Variants in ELMO3 observed in about 807,000 individuals in gnomAD.
ELMO3 encodes engulfment and cell motility protein 3.
Under a neutral mutation model 89.0 loss-of-function variants are expected in ELMO3, and 81 were observed. The observed-to-expected ratio is 0.91, with a 90% CI of 0.76 to 1.09. The LOEUF (loss-of-function observed/expected upper bound fraction) is 1.09, where lower values mean the gene tolerates loss of function less well. Ranked by LOEUF, ELMO3 falls within the 50% of genes least tolerant of loss-of-function variation. The probability of loss-of-function intolerance (pLI) is 0.00; values close to 1 mark genes in which losing one functional copy is unlikely to be tolerated. For synonymous variants in ELMO3, 406 were observed against 400.6 expected (o/e 1.01, Z -0.16); for missense variants, 959 against 972.8 (o/e 0.99, Z 0.19).
At position 67,199,672 on chromosome 16, in the gene ELMO3, C is replaced by A; in HGVS notation, c.120-12C>A. On this transcript the variant is annotated splice_polypyrimidine_tract_variant and intron_variant, in intron 2 of 19. Transcript: ENST00000393997. ...GCCCCCTGCCGGCCTCGCTGAGCCT[C>A]GTGCCCCTCAGGTGGAGCCTGACGC... 6.2e-7 allele frequency: 1 copy of A among 1,609,732 alleles called. No homozygotes were observed. Among genetic ancestry groups the A allele is most frequent in the Non-Finnish European group, 8.5e-7 (1 of 1,179,484 alleles).
chr16:67,201,722 C>T lies in ELMO3; in HGVS notation c.919-20C>T. ...TCTATAATCTTGATCCCCTCCCCCG[C>T]CACCCAACACTGACCCCAGGAGCAG... On this transcript the variant is annotated intron_variant, in intron 10 of 19. Coordinates refer to ENST00000393997, the MANE Select transcript of ELMO3 (RefSeq NM_024712.5). 6.2e-7 allele frequency: 1 copy of T among 1,608,312 alleles called. No individual in the cohort carries two copies. Among genetic ancestry groups the T allele is most frequent in the Non-Finnish European group, 8.5e-7 (1 of 1,179,972 alleles).
chr16:67,201,521 ACAT>A lies in ELMO3; in HGVS notation c.802_804del (p.Ile268del). ...CACCAGGGACTGGCTGTCCTGCAGA[ACAT>A]CATCCACAGTGCAGCACCAATGGGC... On this transcript the variant is annotated inframe_deletion and splice_region_variant, in exon 10 of 20. Transcript: ENST00000393997. 1 of 1,614,032 alleles carries A rather than the reference ACAT, an allele frequency of 6.2e-7. No individual in the cohort carries two copies. Among genetic ancestry groups the A allele is most frequent in the African/African-American group, 1.3e-5 (1 of 75,042 alleles).
At position 67,200,714 on chromosome 16, in the gene ELMO3, G is replaced by C. The variant is rs1225900603; in HGVS notation, c.571G>C (p.Gly191Arg). Residue 191 changes from glycine (G) to arginine (R), a missense_variant, in exon 7 of 20, where the codon GGG becomes CGG. Gly to Arg is a moderately radical substitution (Grantham distance 125). Coordinates refer to ENST00000393997, the MANE Select transcript of ELMO3 (RefSeq NM_024712.5). ...TGCCTCCGTGCCTCCCCTGGCCCTT[G>C]GGCTGCTGGAGAGTGTGACCTTGAG... ...MDASVPPLAL[G>R]LLESVTLSSP... is the part of the protein sequence containing the mutation. The C allele has an allele frequency of 6.2e-7, 1 of 1,613,604 alleles. No individual in the cohort carries two copies.
chr16:67,200,265 G>T lies in ELMO3; in HGVS notation c.317G>T (p.Arg106Leu), dbSNP rs1223225174. 3 of 1,613,788 alleles carry T rather than the reference G, an allele frequency of 1.9e-6. No homozygotes were observed. The highest frequency in any genetic ancestry group is 1.7e-5 in the Admixed American group (1 of 60,030). ...GAAGGGCGCCGGGAAGCCCTGAGGC[G>T]CCTTGTTCCGCTGGCCTCGGACATG... is the stretch of plus-strand genomic sequence containing the variant. ...SPEGRREALR[R>L]LVPLASDMIF... Residue 106 changes from arginine to leucine, a missense_variant, in exon 5 of 20, where the codon CGC (arginine) becomes CTC (leucine). Transcript: ENST00000393997.
In ELMO3 at chr16:67,203,353, C is replaced by G. The variant is rs201945329; in HGVS notation, c.1807C>G (p.Leu603Val). The change falls in exon 18 of 20, where the codon CTG becomes GTG. Residue 603 changes from leucine to valine, a missense_variant. Leu to Val is a conservative substitution (Grantham distance 32). Transcript: ENST00000393997. This position sits in a 1 kb window ranked among gnomAD's most constrained non-coding sequence, Gnocchi z 4.6. ...CCCTGTGGCCGACATGAGGGCACTC[C>G]TGACAGGCAAGGACTGCCCCCATGT... ...QLPVADMRAL[L>V]TGKDCPHVRE... 261 of 1,605,918 alleles carry G rather than the reference C, an allele frequency of 1.6e-4. 1 individual carries two copies. In the African/African-American group the frequency reaches 3.1e-3, roughly 19 times the overall value.
At position 67,201,817 on chromosome 16, in the gene ELMO3, A is replaced by C. The variant is rs746931182; in HGVS notation, c.994A>C (p.Ser332Arg). ...VEGESSGAGL[S>R]ADRRRSLCAR... Reference sequence around the variant, plus strand: ...GGGGGAGTCCTCGGGTGCCGGGCTAAGTGCTGACCGTCGCCGTTCCCTCTG... The same window carrying C: ...GGGGGAGTCCTCGGGTGCCGGGCTACGTGCTGACCGTCGCCGTTCCCTCTG... The change falls in exon 11 of 20, where the codon AGT (serine) becomes CGT (arginine). Residue 332 changes from serine (S) to arginine (R), a missense_variant. Transcript: ENST00000393997. 8.7e-6 allele frequency: 14 copies of C among 1,611,970 alleles called. No individual in the cohort carries two copies. The Admixed American group carries it at 2.0e-4, about 23-fold the overall frequency.
Position 67,201,764 on chromosome 16 carries a change from T to C in ELMO3, c.941T>C (p.Val314Ala). Reference sequence around the variant, plus strand: ...CAGGAGCAGCGGGAGCAGCTGCAGGTCCTACGCCAGGCTGCCTTCGAGGTG... The same window carrying C: ...CAGGAGCAGCGGGAGCAGCTGCAGGCCCTACGCCAGGCTGCCTTCGAGGTG... ...YSQEQREQLQ[V>A]LRQAAFEVEG... Residue 314 changes from valine (V) to alanine (A), a missense_variant, in exon 11 of 20, where the codon GTC becomes GCC. Transcript: ENST00000393997. The C allele has an allele frequency of 1.2e-6, 2 of 1,611,022 alleles. No homozygotes were observed. Among genetic ancestry groups the C allele is most frequent in the Non-Finnish European group, 1.7e-6 (2 of 1,179,998 alleles).
intron 4 of ELMO3, 49 bp from the exon 5 acceptor site, chr16:67,200,143 C>G: frequency 1.3e-6 from 2 of 1,594,602 alleles, no homozygotes; most frequent in Non-Finnish European, 8.6e-7. Context: ...AGGTCCCACC[C>G]TTACCATGCC....
intron 12 of ELMO3, 44 bp downstream of exon 12, chr16:67,202,122 C>A: frequency 1.2e-6 from 2 of 1,609,250 alleles, no homozygotes; most frequent in Non-Finnish European, 1.7e-6. Flanking sequence ...ATCCCCCAGG[C>A]AGGGTCCCCA....
In ELMO3 at chr16:67,202,036, CAT is replaced by C; in HGVS notation, c.1111_1112del (p.Met371ValfsTer42). The C allele has an allele frequency of 1.9e-6, 3 of 1,588,712 alleles. No homozygotes were observed. The South Asian group carries it at 3.3e-5, about 18-fold the overall frequency. ...CCCCCGGTCTGCTGGCCCTGGACAA[CAT>C]GTTGTACTTCTCCAGAAACGCGCCC... ...VPPGLLALDN[M>X]LYFSRNAPSA... On this transcript the variant is annotated frameshift_variant, in exon 12 of 20. Coordinates refer to ENST00000393997, the MANE Select transcript of ELMO3 (RefSeq NM_024712.5). LOFTEE classifies it high-confidence loss of function.
rs1320893101 is a variant in ELMO3, at chr16:67,200,520, GGAGACTCT to G, written c.487_494del (p.Thr163HisfsTer50). Reference sequence around the variant, plus strand: ...TCATGGAGCACGGCGTGGTGTCCTGGGAGACTCTGAGCATCCCCTTTGTGAGGAAGGTG... The same window carrying G: ...TCATGGAGCACGGCGTGGTGTCCTGGGAGCATCCCCTTTGTGAGGAAGGTG... On this transcript the variant is annotated frameshift_variant, in exon 6 of 20. Coordinates refer to ENST00000393997, the MANE Select transcript of ELMO3 (RefSeq NM_024712.5). LOFTEE classifies it high-confidence loss of function. 6.2e-7 allele frequency: 1 copy of G among 1,613,776 alleles called. No individual in the cohort carries two copies.
intron 1 of ELMO3, 28 bp from the exon 2 acceptor site, chr16:67,199,525 G>A (rs1437944440): frequency 3.5e-6 from 5 of 1,410,740 alleles, no homozygotes; most frequent in Admixed American, 1.9e-5. Context: ...CCCTGCCCAG[G>A]CCGCGAGAAT....
intron 1 of ELMO3, 51 bp from the exon 2 acceptor site, chr16:67,199,499 GCTC>G (rs2033045633): frequency 1.4e-6 from 1 of 720,060 alleles, no homozygotes; most frequent in African/African-American, 1.9e-5. Context: ...CTCCCCCCAG[GCTC>G]CTCCCCATCC....
In ELMO3 at chr16:67,203,225, T is replaced by G; in HGVS notation, c.1780+2T>G. ...CCCTGGAGAGTCTGCCCGAGCAACG[T>G]AAGGCGGGCAGGGGCGGGGGCCAGA... On this transcript the variant is annotated splice_donor_variant, in intron 17 of 19. Transcript: ENST00000393997. LOFTEE classifies it high-confidence loss of function. This position sits in a 1 kb window ranked among gnomAD's most constrained non-coding sequence, Gnocchi z 4.6. The G allele has an allele frequency of 6.2e-7, 1 of 1,605,728 alleles. No individual in the cohort carries two copies. The highest frequency in any genetic ancestry group is 8.5e-7 in the Non-Finnish European group (1 of 1,178,626).
At position 67,201,866 on chromosome 16, in the gene ELMO3, G is replaced by C. The variant is rs1279884832; in HGVS notation, c.1043G>C (p.Gly348Ala). The change falls in exon 11 of 20, where the codon GGC (glycine) becomes GCC (alanine). Residue 348 changes from glycine to alanine, a missense_variant. Gly to Ala is a moderately conservative substitution (Grantham distance 60). Transcript: ENST00000393997. ...TGTGCCCGAGAGTTCCGCAAACTGG[G>C]CTTTTCTGTGAGTATCACCCCTACC... Reference protein sequence around the residue: ...SLCAREFRKLGFSNSNPAQDL... With the variant: ...SLCAREFRKLAFSNSNPAQDL... 1 of 1,607,772 alleles carries C rather than the reference G, an allele frequency of 6.2e-7. No individual in the cohort carries two copies. The highest frequency in any genetic ancestry group is 1.7e-5 in the Admixed American group (1 of 59,816).
Position 67,199,173 on chromosome 16 carries a change from C to T in ELMO3, c.-154C>T. The T allele has an allele frequency of 1.9e-6, 3 of 1,609,854 alleles. No individual in the cohort carries two copies. The highest frequency in any genetic ancestry group is 2.5e-6 in the Non-Finnish European group (3 of 1,179,500). Reference sequence around the variant, plus strand: ...CCTTGGGAAGGCCGCGTTGCATGGCCAGGAGCAGCAGTCTGGGCCGCGAGT... The same window carrying T: ...CCTTGGGAAGGCCGCGTTGCATGGCTAGGAGCAGCAGTCTGGGCCGCGAGT... On this transcript the variant is annotated 5_prime_UTR_variant, in exon 1 of 20. Transcript: ENST00000393997.
chr16:67,202,127 T>G, intron 12 of ELMO3, 49 bp downstream of exon 12: 1 of 1,608,210 alleles, frequency 6.2e-7, no homozygotes, highest in Non-Finnish European at 8.5e-7. Flanking sequence ...CCAGGCAGGG[T>G]CCCCATGGGC....
rs944539765 is a variant in ELMO3 at position 67,201,537 on chromosome 16, A to T, written c.813A>T (p.Ala271=). 7 of 1,613,972 alleles carry T rather than the reference A, an allele frequency of 4.3e-6. No homozygotes were observed. The African/African-American group carries it at 8.0e-5, about 18-fold the overall frequency. The change falls in exon 10 of 20, where the codon GCA becomes GCT. Residue 271 remains alanine (A), a synonymous_variant. Transcript: ENST00000393997. ...QFIYKNIIHS[A]APMGDEMAHH... Reference sequence around the variant, plus strand: ...TCCTGCAGAACATCATCCACAGTGCAGCACCAATGGGCGACGAGATGGCTC... The same window carrying T: ...TCCTGCAGAACATCATCCACAGTGCTGCACCAATGGGCGACGAGATGGCTC...
At position 67,200,551 on chromosome 16, in the gene ELMO3, G is replaced by T. The variant is rs1268529269; in HGVS notation, c.513+1G>T. On this transcript the variant is annotated splice_donor_variant, in intron 6 of 19. Coordinates refer to ENST00000393997, the MANE Select transcript of ELMO3 (RefSeq NM_024712.5). LOFTEE classifies it high-confidence loss of function. The stretch of plus-strand genomic sequence containing the variant: ...TCTGAGCATCCCCTTTGTGAGGAAG[G>T]TGGGTGGGCTTTCCTAGGGCAGCGG... 6.2e-7 allele frequency: 1 copy of T among 1,613,684 alleles called. No individual in the cohort carries two copies. Among genetic ancestry groups the T allele is most frequent in the East Asian group, 2.2e-5 (1 of 44,870 alleles).
Sources: allele counts gnomAD v4.1 joint callset, GRCh38; gene constraint gnomAD v4.1.1; non-coding constraint Gnocchi (gnomAD v3.1); transcripts MANE v1.5; gene names NCBI Gene and HGNC (gene_info 2026-07-23, HGNC 2026-07-21).